The following IL1RAPL2 variants were observed in gnomAD, a reference collection of about 807,000 sequenced individuals.
The protein encoded by IL1RAPL2 is X-linked interleukin-1 receptor accessory protein-like 2.
In IL1RAPL2, 3 loss-of-function variants were observed where a neutral mutation model predicts 44.1. That is an observed-to-expected ratio of 0.07 (90% CI 0.03 to 0.18). The LOEUF (loss-of-function observed/expected upper bound fraction) is 0.18, where lower values mean the gene tolerates loss of function less well. Ranked by LOEUF, IL1RAPL2 falls within the 10% of genes least tolerant of loss-of-function variation. The pLI, the probability that IL1RAPL2 is intolerant of heterozygous loss-of-function variation, is 1.00. For synonymous variants in IL1RAPL2, 181 were observed against 178.8 expected, an observed-to-expected ratio of 1.01 and a Z score of -0.10; for missense variants, 391 against 496.4, an observed-to-expected ratio of 0.79 and a Z score of 2.02.
chrX:105,078,117 T>C (rs1353202581), intron 2 of IL1RAPL2, among the ~76,000 whole-genome samples: 1 of 111,937 alleles, frequency 8.9e-6, no homozygotes, highest in Non-Finnish European at 1.9e-5. Context: ...CTCTGATTTT[T>C]AGAGTTTCCA....
At chrX:105,681,406 G>A (rs1247761069) in intron 6 of IL1RAPL2, among the ~76,000 whole-genome samples, 2 of 111,589 alleles carry the variant, frequency 1.8e-5, no homozygotes, top group African/African-American at 6.5e-5. Context: ...AAAAGACAAA[G>A]GACTTCCTTA....
intron 5 of IL1RAPL2, among the ~76,000 whole-genome samples, chrX:105,271,397 T>C (rs1427593405): frequency 1.8e-5 from 2 of 112,140 alleles, no homozygotes; most frequent in African/African-American, 6.5e-5. Context: ...TCCCACAGCA[T>C]ATTTTAGGTG....
intron 6 of IL1RAPL2, among the ~76,000 whole-genome samples, chrX:105,679,453 A>ATAAC (rs1386221066): frequency 8.9e-6 from 1 of 112,306 alleles, no homozygotes; most frequent in Non-Finnish European, 1.9e-5. Flanking sequence ...GGCAGATATT[A>ATAAC]TAACTGGTTC....
intron 1 of IL1RAPL2, chrX:104,647,746 T>C: frequency 3.7e-6 from 2 of 540,578 alleles, no homozygotes; most frequent in East Asian, 6.7e-5. Context: ...TGACATTCTG[T>C]AAGTCTTTGC....
At chrX:104,912,789 A>C (rs912754459) in intron 2 of IL1RAPL2, among the ~76,000 whole-genome samples, 2 of 111,626 alleles carry the variant, frequency 1.8e-5, no homozygotes, top group Non-Finnish European at 3.8e-5. Context: ...AACAAAAACA[A>C]AACAAGAGAT....
At chrX:105,319,589 G>A (rs1255297682) in intron 5 of IL1RAPL2, among the ~76,000 whole-genome samples, 1 of 112,149 alleles carries the variant, frequency 8.9e-6, no homozygotes, top group East Asian at 2.8e-4. Context: ...GTGCTTTTGT[G>A]CTTGCTTTCT....
intron 2 of IL1RAPL2, among the ~76,000 whole-genome samples, chrX:104,891,477 G>T (rs1414853938): frequency 1.8e-5 from 2 of 111,747 alleles, no homozygotes; most frequent in Non-Finnish European, 3.8e-5. Context: ...TCACTGAGCA[G>T]TGGTTTGTAG....
chrX:104,722,309 C>G (rs1931695785), intron 2 of IL1RAPL2, among the ~76,000 whole-genome samples: 1 of 111,104 alleles, frequency 9.0e-6, no homozygotes, highest in African/African-American at 3.3e-5. Flanking sequence ...ATATTATTTT[C>G]ATTTGTCATG....
chrX:105,135,080 T>C (rs1261164659), intron 2 of IL1RAPL2, among the ~76,000 whole-genome samples: 1 of 110,319 alleles, frequency 9.1e-6, no homozygotes, highest in Non-Finnish European at 1.9e-5. Context: ...ACTTGCAACA[T>C]TGCTATTTGT....
chrX:105,180,109 G>A (rs1158734217), intron 2 of IL1RAPL2, among the ~76,000 whole-genome samples: 3 of 110,582 alleles, frequency 2.7e-5, no homozygotes, highest in African/African-American at 9.9e-5. Context: ...GGCTGAGACT[G>A]GCAGGTCACC....
chrX:105,456,270 G>A (rs887814193), intron 5 of IL1RAPL2, among the ~76,000 whole-genome samples: 3 of 111,755 alleles, frequency 2.7e-5, no homozygotes, highest in East Asian at 2.8e-4. Flanking sequence ...CTGCAAACAC[G>A]GATAGTTTGA....
intron 2 of IL1RAPL2, among the ~76,000 whole-genome samples, chrX:105,049,412 T>G (rs961153316): frequency 9.0e-6 from 1 of 111,713 alleles, no homozygotes; most frequent in Admixed American, 9.5e-5. Flanking sequence ...CTTTTTCTTG[T>G]GGGTGCTCTG....
intron 2 of IL1RAPL2, among the ~76,000 whole-genome samples, chrX:104,779,889 C>T (rs1455629946): frequency 9.2e-6 from 1 of 109,264 alleles, no homozygotes; most frequent in Non-Finnish European, 1.9e-5. Context: ...AGTATAGTAC[C>T]AGAAAAAAAA....
At chrX:105,105,670 T>G (rs2032730798) in intron 2 of IL1RAPL2, among the ~76,000 whole-genome samples, 3 of 112,418 alleles carry the variant, frequency 2.7e-5, no homozygotes, top group African/African-American at 9.7e-5. Context: ...CAGTTTTCTT[T>G]GATGTGACCA....
intron 2 of IL1RAPL2, among the ~76,000 whole-genome samples, chrX:104,710,188 T>A (rs1931433620): frequency 1.8e-5 from 2 of 111,621 alleles, no homozygotes; most frequent in Non-Finnish European, 3.8e-5. Flanking sequence ...TGTACAGCCA[T>A]GTTTGTAGCA....
intron 1 of IL1RAPL2, among the ~76,000 whole-genome samples, chrX:104,611,836 CAAAAAAAAA>C (rs57729757): frequency 1.0e-4 from 4 of 39,956 alleles, no homozygotes; most frequent in Non-Finnish European, 1.3e-4. Context: ...GACTCCATCT[CAAAAAAAAA>C]AAAAAAAAAA....
At chrX:104,954,434 TTCTC>T (rs1925661460) in intron 2 of IL1RAPL2, among the ~76,000 whole-genome samples, 1 of 112,885 alleles carries the variant, frequency 8.9e-6, no homozygotes, top group African/African-American at 3.2e-5. Flanking sequence ...CAGACATAGT[TTCTC>T]TCCTCATGGA....
intron 4 of IL1RAPL2, among the ~76,000 whole-genome samples, chrX:105,257,091 C>T (rs2147650467): frequency 9.0e-6 from 1 of 111,566 alleles, no homozygotes; most frequent in African/African-American, 3.3e-5. Context: ...GTGAATCTCC[C>T]CTTAACACTG....
intron 1 of IL1RAPL2, among the ~76,000 whole-genome samples, chrX:104,617,497 C>T (rs1166403388): frequency 9.8e-5 from 11 of 111,887 alleles, no homozygotes. Flanking sequence ...TCAGGAATGC[C>T]AATAATTTGT....
Sources: allele counts gnomAD v4.1 joint callset (sites outside exome capture counted in the v4.1 genomes callset), GRCh38; gene constraint gnomAD v4.1.1; transcripts MANE v1.5; gene names NCBI Gene and HGNC (gene_info 2026-07-23, HGNC 2026-07-21).